The following FAM163B variants were observed in gnomAD, a reference collection of about 807,000 sequenced individuals.
FAM163B encodes protein FAM163B.
FAM163B carries 4 observed loss-of-function variants against 7.6 expected under a neutral mutation model. That is an observed-to-expected ratio of 0.52 (90% CI 0.26 to 1.20). The LOEUF (loss-of-function observed/expected upper bound fraction) is 1.20, where lower values mean the gene tolerates loss of function less well. FAM163B is among the 50% of genes most tolerant of loss of function. FAM163B has a pLI of 0.14. For synonymous variants in FAM163B, 120 were observed against 111.6 expected (o/e 1.07, Z -0.47); for missense variants, 250 against 243.0 (o/e 1.03, Z -0.19).
In FAM163B at chr9:133,577,501, A is replaced by C. The variant is rs1369615614; in HGVS notation, c.*1521T>G. Among the ~76,000 whole-genome samples the C allele has an allele frequency of 6.6e-6, 1 of 152,250 alleles. No homozygotes were observed. The highest frequency in any genetic ancestry group is 6.5e-5 in the Admixed American group (1 of 15,294). On this transcript the variant is annotated 3_prime_UTR_variant, in exon 3 of 3. Coordinates refer to ENST00000673969, the MANE Select transcript of FAM163B (RefSeq NM_001080515.3). ...TCAGCCGTTCCCCCGACGCCTCTGG[A>C]AACTGGCCATTTCGTTTTTGAGTAA...
rs964152981 is a variant in FAM163B, at chr9:133,578,821, C to T, written c.*201G>A. On this transcript the variant is annotated 3_prime_UTR_variant, in exon 3 of 3. Transcript: ENST00000673969. ...GCCCCAGGCCCCAGCTGTGCCTCCCCCCAGGACACATTTGTGTTCAATGAG... is the reference window on the plus strand; with the variant it reads ...GCCCCAGGCCCCAGCTGTGCCTCCCTCCAGGACACATTTGTGTTCAATGAG... 3.7e-5 allele frequency: 38 copies of T among 1,036,856 alleles called. No homozygotes were observed. The highest frequency in any genetic ancestry group is 4.8e-5 in the Non-Finnish European group (36 of 756,158). The allele number at this position is 1,036,856 out of a possible 1,614,324, so 64.2% of individuals were successfully genotyped here.
intron 1 of FAM163B, among the ~76,000 whole-genome samples, chr9:133,602,019 G>A (rs921262128): frequency 4.6e-5 from 7 of 152,300 alleles, no homozygotes; most frequent in South Asian, 2.1e-4. Flanking sequence ...GGGCCGCACC[G>A]GGGCTGGGTT....
rs1273537931 is a variant in FAM163B at position 133,578,955 on chromosome 9, G to A, written c.*67C>T. 6.9e-7 allele frequency: 1 copy of A among 1,442,122 alleles called. No homozygotes were observed. 89.3% of individuals were successfully genotyped at this position (1,442,122 alleles called of 1,614,324 possible). On this transcript the variant is annotated 3_prime_UTR_variant, in exon 3 of 3. Transcript: ENST00000673969. The stretch of plus-strand genomic sequence containing the variant: ...CCACTTGGGGCCTGGGGCCAGGTGG[G>A]TGTGCCAAAGGAATCCCCCCATTGT...
intron 1 of FAM163B, 30 bp from the exon 2 acceptor site, chr9:133,580,276 T>C: frequency 1.4e-6 from 2 of 1,478,090 alleles, no homozygotes; most frequent in Non-Finnish European, 1.9e-6. Flanking sequence ...CTTTAGAGCA[T>C]CACGCTTCCT....
chr9:133,591,640 G>A (rs915146623), intron 1 of FAM163B, among the ~76,000 whole-genome samples: 3 of 152,210 alleles, frequency 2.0e-5, no homozygotes, highest in African/African-American at 4.8e-5. Context: ...TCAGGGGGGC[G>A]GAGAACATGC....
chr9:133,590,015 C>A (rs1446171089), intron 1 of FAM163B, among the ~76,000 whole-genome samples: 1 of 150,922 alleles, frequency 6.6e-6, no homozygotes, highest in African/African-American at 2.4e-5. Flanking sequence ...GTTCGTAAAA[C>A]CCTCTCTGCT....
At position 133,595,105 on chromosome 9, in the gene FAM163B, G is replaced by A. The variant is rs549807467; in HGVS notation, c.-24+13972C>T. ...TCTTCCTCACATTTTAACGTGCATC[G>A]AGTAGCCTGGGGAGCGGGGCTGCAG... On this transcript the variant is annotated intron_variant, in intron 1 of 2. Transcript: ENST00000673969. Among the ~76,000 whole-genome samples the A allele has an allele frequency of 7.7e-4, 117 of 152,282 alleles. 1 individual carries two copies. Among genetic ancestry groups the A allele is most frequent in the Admixed American group, 2.7e-3 (41 of 15,302 alleles).
chr9:133,596,517 G>A (rs891632763), intron 1 of FAM163B, among the ~76,000 whole-genome samples: 1 of 152,136 alleles, frequency 6.6e-6, no homozygotes, highest in Non-Finnish European at 1.5e-5. Context: ...TGACACCAGT[G>A]ATGAAGGAAA....
At chr9:133,603,993 C>T (rs556428870) in intron 1 of FAM163B, among the ~76,000 whole-genome samples, 1 of 152,278 alleles carries the variant, frequency 6.6e-6, no homozygotes, top group Non-Finnish European at 1.5e-5. Flanking sequence ...GCGCATGCCA[C>T]CACGCCCGGC....
intron 1 of FAM163B, among the ~76,000 whole-genome samples, chr9:133,592,599 C>T (rs1298733185): frequency 2.0e-5 from 3 of 152,220 alleles, no homozygotes; most frequent in African/African-American, 7.2e-5. Context: ...AAGGGCCTGC[C>T]CTCTGCCAAC....
In FAM163B at chr9:133,600,219, G is replaced by GT. The variant is rs1491441848; in HGVS notation, c.-24+8857_-24+8858insA. Among the ~76,000 whole-genome samples, 5 of 148,392 alleles carry GT rather than the reference G, an allele frequency of 3.4e-5. No homozygotes were observed. The highest frequency in any genetic ancestry group is 4.1e-4 in the East Asian group (2 of 4,908). On this transcript the variant is annotated intron_variant, in intron 1 of 2. Transcript: ENST00000673969. The surrounding 1 kb of genome is among the most constrained non-coding windows in gnomAD (Gnocchi z 4.9). The stretch of plus-strand genomic sequence containing the variant: ...GTGGTCTGTGTGAGTGTGTGTGTGT[G>GT]GGGGGGAATGTGGTCTGTGTGCATG...
chr9:133,598,839 C>T (rs1463923221), intron 1 of FAM163B, among the ~76,000 whole-genome samples: 1 of 152,144 alleles, frequency 6.6e-6, no homozygotes, highest in Non-Finnish European at 1.5e-5. Context: ...GGCAAATGAA[C>T]ACCTGAGCTG....
At chr9:133,591,915 G>A (rs181495391) in intron 1 of FAM163B, among the ~76,000 whole-genome samples, 1 of 152,270 alleles carries the variant, frequency 6.6e-6, no homozygotes, top group Admixed American at 6.5e-5. Flanking sequence ...GGAGACCCCT[G>A]GCACCCCCGC....
At position 133,597,875 on chromosome 9, in the gene FAM163B, C is replaced by A. The variant is rs191063474; in HGVS notation, c.-24+11202G>T. ...AAGAAGGCCGTCAACCTGGAACGTG[C>A]AATCCAGAAAAAGAAAAAAAACCCT... is the stretch of plus-strand genomic sequence containing the variant. On this transcript the variant is annotated intron_variant, in intron 1 of 2. Transcript: ENST00000673969. Among the ~76,000 whole-genome samples, 194 of 152,128 alleles carry A rather than the reference C, an allele frequency of 1.3e-3. 1 individual carries two copies. The highest frequency in any genetic ancestry group is 3.3e-3 in the Admixed American group (51 of 15,288).
Position 133,577,520 on chromosome 9 carries a change from T to TAAAAACTCAAAA in FAM163B, c.*1501_*1502insTTTTGAGTTTTT, listed in dbSNP as rs1831271248. On this transcript the variant is annotated 3_prime_UTR_variant, in exon 3 of 3. Transcript: ENST00000673969. ...CTCTGGAAACTGGCCATTTCGTTTTTGAGTAAGGGCAAGAAGTGTCCTGCT... is the reference window on the plus strand; with the variant it reads ...CTCTGGAAACTGGCCATTTCGTTTTTAAAAACTCAAAAGAGTAAGGGCAAGAAGTGTCCTGCT... 1.3e-5 allele frequency among the ~76,000 whole-genome samples: 2 copies of TAAAAACTCAAAA among 152,254 alleles called. No individual in the cohort carries two copies. Among genetic ancestry groups the TAAAAACTCAAAA allele is most frequent in the Non-Finnish European group, 2.9e-5 (2 of 68,042 alleles).
In FAM163B at chr9:133,579,175, G is replaced by T; in HGVS notation, c.348C>A (p.Asn116Lys). The change falls in exon 3 of 3, where the codon AAC becomes AAA. Residue 116 changes from asparagine (N) to lysine (K), a missense_variant. Physicochemically the swap from Asn to Lys is moderately conservative, Grantham distance 94 (BLOSUM62 0). Transcript: ENST00000673969. ...EPPEEEEDVL[N>K]GGERVLYKSV... ...TCTTGTAGAGCACGCGCTCCCCGCC[G>T]TTCAGCACGTCCTCTTCCTCCTCCG... The T allele has an allele frequency of 6.2e-7, 1 of 1,611,580 alleles. No individual in the cohort carries two copies. Among genetic ancestry groups the T allele is most frequent in the East Asian group, 2.2e-5 (1 of 44,876 alleles).
At chr9:133,599,065 G>A (rs1011245916) in intron 1 of FAM163B, among the ~76,000 whole-genome samples, 4 of 152,156 alleles carry the variant, frequency 2.6e-5, no homozygotes, top group Non-Finnish European at 5.9e-5. Flanking sequence ...CTGCCCTGGG[G>A]GCACCTTCCA....
intron 1 of FAM163B, among the ~76,000 whole-genome samples, chr9:133,585,054 C>T (rs1404372644): frequency 3.9e-5 from 6 of 152,244 alleles, no homozygotes; most frequent in African/African-American, 1.4e-4. Flanking sequence ...CTCCCCTGTG[C>T]GTCCCCCACC....
chr9:133,580,273 GCAT>G (rs1588320918), intron 1 of FAM163B, 27 bp from the exon 2 acceptor site: 2 of 1,514,600 alleles, frequency 1.3e-6, no homozygotes, highest in East Asian at 4.5e-5. Flanking sequence ...CAGCTTTAGA[GCAT>G]CACGCTTCCT....
Sources: allele counts gnomAD v4.1 joint callset (sites outside exome capture counted in the v4.1 genomes callset), GRCh38; gene constraint gnomAD v4.1.1; non-coding constraint Gnocchi (gnomAD v3.1); transcripts MANE v1.5; gene names NCBI Gene and HGNC (gene_info 2026-07-23, HGNC 2026-07-21).